The following EIF4A2 variants were observed in gnomAD, a reference collection of about 807,000 sequenced individuals.
EIF4A2 encodes the protein eukaryotic initiation factor 4A-II.
Under a neutral mutation model 50.6 loss-of-function variants are expected in EIF4A2, and 9 were observed. The ratio of observed to expected loss-of-function variants is 0.18; its 90% CI spans 0.11 to 0.31. EIF4A2 has a LOEUF of 0.31. EIF4A2 is among the 10% of genes least tolerant of loss of function. The pLI is 1.00. For synonymous variants in EIF4A2, 215 were observed against 164.4 expected (o/e 1.31, Z -2.35); for missense variants, 182 against 501.8 (o/e 0.36, Z 6.09).
rs369188077 is a variant in EIF4A2, at chr3:186,786,318, A to G, written c.627+45A>G. ...CCTCTTAAAGGTAGAGATGGGGTTTATTTAATGCAGGTACTGTTACAATAC... is the reference window on the plus strand; with the variant it reads ...CCTCTTAAAGGTAGAGATGGGGTTTGTTTAATGCAGGTACTGTTACAATAC... On this transcript the variant is annotated intron_variant, in intron 6 of 10. Coordinates refer to ENST00000323963, the MANE Select transcript of EIF4A2 (RefSeq NM_001967.4). The G allele has an allele frequency of 2.5e-5, 40 of 1,575,330 alleles. No individual in the cohort carries two copies. In the African/African-American group the frequency reaches 4.6e-4, roughly 18 times the overall value.
intron 7 of EIF4A2, 133 bp from the exon 8 acceptor site, chr3:186,786,994 C>G (rs1721767176): frequency 1.5e-6 from 2 of 1,337,858 alleles, no homozygotes; most frequent in African/African-American, 2.9e-5. Context: ...GGTTGGAACT[C>G]TGGGCTCTAA....
chr3:186,788,245 A>AT, intron 10 of EIF4A2: 1 of 1,260,332 alleles, frequency 7.9e-7, no homozygotes, highest in South Asian at 1.3e-5. Context: ...TAGTGGCTTT[A>AT]TCCCTAAATA....
intron 6 of EIF4A2, 109 bp from the exon 7 acceptor site, chr3:186,786,393 A>G (rs575110411): frequency 4.8e-5 from 73 of 1,532,968 alleles, no homozygotes; most frequent in Non-Finnish European, 6.3e-5. Context: ...CTTGATGCAT[A>G]ACTCTGTCTA....
chr3:186,783,768 C>G (rs1393334897), intron 1 of EIF4A2, 129 bp downstream of exon 1: 1 of 1,459,182 alleles, frequency 6.9e-7, no homozygotes, highest in South Asian at 1.2e-5. Context: ...CACTCCTGTG[C>G]CCTTCCAGAA....
At position 186,789,275 on chromosome 3, in the gene EIF4A2, G is replaced by A. The variant is rs778652756; in HGVS notation, c.*6G>A. The stretch of plus-strand genomic sequence containing the variant: ...ATGTGGCTGACCTTATTTAATTCCT[G>A]GGATGAGAGTTTTGGATGCAGTGCT... On this transcript the variant is annotated 3_prime_UTR_variant, in exon 11 of 11. Coordinates refer to ENST00000323963, the MANE Select transcript of EIF4A2 (RefSeq NM_001967.4). 1 of 1,602,978 alleles carries A rather than the reference G, an allele frequency of 6.2e-7. No individual in the cohort carries two copies. Among genetic ancestry groups the A allele is most frequent in the Admixed American group, 1.7e-5 (1 of 58,544 alleles).
In EIF4A2 at chr3:186,785,237, T is replaced by A; in HGVS notation, c.348+136T>A. On this transcript the variant is annotated intron_variant, in intron 4 of 10. Transcript: ENST00000323963. Reference sequence around the variant, plus strand: ...TTTAATTGTCCATGCATGCAGGGAGTTTTTGTTGAAAGTTTTAAAAGAACT... The same window carrying A: ...TTTAATTGTCCATGCATGCAGGGAGATTTTGTTGAAAGTTTTAAAAGAACT... 1.7e-5 allele frequency: 23 copies of A among 1,328,538 alleles called. No individual in the cohort carries two copies. In the South Asian group the frequency reaches 2.9e-4, roughly 17 times the overall value. 82.3% of individuals were successfully genotyped at this position (1,328,538 alleles called of 1,614,324 possible).
intron 2 of EIF4A2, 27 bp from the exon 3 acceptor site, chr3:186,784,537 G>T (rs763643002): frequency 1.2e-6 from 2 of 1,614,180 alleles, no homozygotes; most frequent in Non-Finnish European, 1.7e-6. Context: ...TCTCATTTAT[G>T]CGTGCATTAT....
rs1721692698 is a variant in EIF4A2 at position 186,786,154 on chromosome 3, T to C, written c.518-10T>C. 6.2e-7 allele frequency: 1 copy of C among 1,612,446 alleles called. No individual in the cohort carries two copies. The highest frequency in any genetic ancestry group is 2.2e-5 in the East Asian group (1 of 44,838). On this transcript the variant is annotated splice_polypyrimidine_tract_variant and intron_variant, in intron 5 of 10. Transcript: ENST00000323963. ...ATCTAGAAATGACAGTATGACTTTGTTTCTAACAGCTCCAAAATGGATCAA... is the reference window on the plus strand; with the variant it reads ...ATCTAGAAATGACAGTATGACTTTGCTTCTAACAGCTCCAAAATGGATCAA...
intron 4 of EIF4A2, chr3:186,785,561 T>C: frequency 3.1e-6 from 1 of 322,222 alleles, no homozygotes; most frequent in South Asian, 6.0e-5. Context: ...AAAAAATCAT[T>C]TGCCCTAGCT....
intron 4 of EIF4A2, 68 bp downstream of exon 4, chr3:186,785,169 G>T: frequency 2.5e-6 from 4 of 1,591,170 alleles, no homozygotes; most frequent in Non-Finnish European, 3.4e-6. Flanking sequence ...CAACTGTGAA[G>T]AATTTAAAAC....
intron 4 of EIF4A2, chr3:186,785,441 G>A: frequency 2.8e-6 from 1 of 352,554 alleles, no homozygotes; most frequent in Non-Finnish European, 5.2e-6. Flanking sequence ...TCTGTTGCAT[G>A]CTATGTTTTC....
chr3:186,784,528 C>T (rs1721578289), intron 2 of EIF4A2, 36 bp from the exon 3 acceptor site: 4 of 1,614,042 alleles, frequency 2.5e-6, no homozygotes, highest in African/African-American at 1.3e-5. Context: ...GTGTGTTCAT[C>T]TCATTTATGC....
intron 8 of EIF4A2, 92 bp downstream of exon 8, chr3:186,787,356 TTAAAA>T (rs1264440511): frequency 3.7e-6 from 6 of 1,612,358 alleles, no homozygotes; most frequent in African/African-American, 2.7e-5. Context: ...TTCCCCCTGC[TTAAAA>T]TAAAGTTGTT....
chr3:186,788,980 T>C lies in EIF4A2; in HGVS notation c.1080-145T>C, dbSNP rs572092599. The C allele has an allele frequency of 2.5e-3, 2,928 of 1,164,376 alleles. 8 individuals are homozygous for C. The highest frequency in any genetic ancestry group is 3.2e-3 in the Non-Finnish European group (2,699 of 856,212). The allele number at this position is 1,164,376 out of a possible 1,614,324, so 72.1% of individuals were successfully genotyped here. On this transcript the variant is annotated intron_variant, in intron 10 of 10. Coordinates refer to ENST00000323963, the MANE Select transcript of EIF4A2 (RefSeq NM_001967.4). ...AAAGGAAGATTTTTTTCTCTAGATA[T>C]GCATTAGCAGCTAGTGCTCCAGTTA...
At chr3:186,787,769 G>T (rs75854161) in intron 9 of EIF4A2, 34 bp from the exon 10 acceptor site, 51 of 1,613,516 alleles carry the variant, frequency 3.2e-5, no homozygotes, top group South Asian at 4.4e-5. Context: ...AAGTTTTTTT[G>T]AATCAATTTT....
rs536963132 is a variant in EIF4A2, at chr3:186,789,889, C to T, written c.*620C>T. 17 of 873,982 alleles carry T rather than the reference C, an allele frequency of 1.9e-5. No homozygotes were observed. The Admixed American group carries it at 3.6e-4, about 19-fold the overall frequency. 54.1% of individuals were successfully genotyped at this position (873,982 alleles called of 1,614,324 possible). On this transcript the variant is annotated 3_prime_UTR_variant, in exon 11 of 11. Coordinates refer to ENST00000323963, the MANE Select transcript of EIF4A2 (RefSeq NM_001967.4). ...TTGAATGTTAAATAAATTGTATATT[C>T]ACTTTAAAGGTGCTTTTGGTCATTT...
intron 9 of EIF4A2, 56 bp from the exon 10 acceptor site, chr3:186,787,747 A>G (rs759694230): frequency 1.7e-5 from 27 of 1,609,210 alleles, no homozygotes; most frequent in East Asian, 2.2e-5. Flanking sequence ...TGTGGCCTAC[A>G]TGACAGGTGT....
chr3:186,789,864 TTGAATGTTAAA>T lies in EIF4A2; in HGVS notation c.*597_*607del, dbSNP rs1722013000. ...CATATTGCACATGTCTTAATGAAGT[TTGAATGTTAAA>T]TAAATTGTATATTCACTTTAAAGGT... is the stretch of plus-strand genomic sequence containing the variant. On this transcript the variant is annotated 3_prime_UTR_variant, in exon 11 of 11. Transcript: ENST00000323963. 1 of 765,592 alleles carries T rather than the reference TTGAATGTTAAA, an allele frequency of 1.3e-6. No individual in the cohort carries two copies. The highest frequency in any genetic ancestry group is 2.1e-6 in the Non-Finnish European group (1 of 471,020). The allele number at this position is 765,592 out of a possible 1,614,324, so 47.4% of individuals were successfully genotyped here.
Position 186,789,465 on chromosome 3 carries a change from GAGTTA to G in EIF4A2, c.*197_*201del, listed in dbSNP as rs1361783920. ...AAAGTCATTGGCTTTATCCTCTTTA[GAGTTA>G]GACTGTTGGGGTGGGTATAAAAGAT... On this transcript the variant is annotated 3_prime_UTR_variant, in exon 11 of 11. Coordinates refer to ENST00000323963, the MANE Select transcript of EIF4A2 (RefSeq NM_001967.4). 1.6e-6 allele frequency: 1 copy of G among 613,742 alleles called. No homozygotes were observed. The highest frequency in any genetic ancestry group is 3.9e-5 in the Admixed American group (1 of 25,918). The allele number at this position is 613,742 out of a possible 1,614,324, so 38.0% of individuals were successfully genotyped here. A position where few individuals can be genotyped will look rare whatever the true frequency, so the allele number is the denominator to read the frequency against.
Sources: allele counts gnomAD v4.1 joint callset, GRCh38; gene constraint gnomAD v4.1.1; transcripts MANE v1.5; gene names NCBI Gene and HGNC (gene_info 2026-07-23, HGNC 2026-07-21).